SMARCD3: variants seen among roughly 807,000 people sequenced by gnomAD.
SMARCD3 encodes the protein SWI/SNF-related matrix-associated actin-dependent regulator of chromatin subfamily D member 3.
Under a neutral mutation model 58.0 loss-of-function variants are expected in SMARCD3, and 14 were observed. The observed-to-expected ratio is 0.24, with a 90% CI of 0.16 to 0.38. The LOEUF (loss-of-function observed/expected upper bound fraction) is 0.38, where lower values mean the gene tolerates loss of function less well. Among genes scored for constraint, SMARCD3 ranks in the 10% least tolerant of loss-of-function variants. The probability of loss-of-function intolerance (pLI) is 1.00; values close to 1 mark genes in which losing one functional copy is unlikely to be tolerated. For synonymous variants in SMARCD3, 253 were observed against 253.8 expected (o/e 1.00, Z 0.03); for missense variants, 408 against 636.9 (o/e 0.64, Z 3.87).
upstream of SMARCD3, among the ~76,000 whole-genome samples, chr7:151,252,342 A>C (rs1803548209): frequency 6.6e-6 from 1 of 152,018 alleles, no homozygotes; most frequent in African/African-American, 2.4e-5. Flanking sequence ...TCTTTCCTCT[A>C]TTCCCTTTTC....
rs2150594829 is a variant in SMARCD3, at chr7:151,245,035, T to A, written c.290+425A>T. Among the ~76,000 whole-genome samples the A allele has an allele frequency of 6.6e-6, 1 of 152,304 alleles. No homozygotes were observed. The highest frequency in any genetic ancestry group is 2.1e-4 in the South Asian group (1 of 4,834). ...CCATTGAGAAAATCTGGAGTGGCTTTGAAACAGCCCGGGGGCCGGCAGGAA... is the reference window on the plus strand; with the variant it reads ...CCATTGAGAAAATCTGGAGTGGCTTAGAAACAGCCCGGGGGCCGGCAGGAA... On this transcript the variant is annotated intron_variant, in intron 2 of 12. Coordinates refer to ENST00000262188, the MANE Select transcript of SMARCD3 (RefSeq NM_001003801.2). The surrounding 1 kb of genome is among the most constrained non-coding windows in gnomAD (Gnocchi z 6.2).
In SMARCD3 at chr7:151,248,425, G is replaced by T. The variant is rs1396345492; in HGVS notation, c.78+60C>A. The T allele has an allele frequency of 7.0e-7, 1 of 1,428,884 alleles. No homozygotes were observed. Among genetic ancestry groups the T allele is most frequent in the Non-Finnish European group, 9.8e-7 (1 of 1,018,306 alleles). 88.5% of individuals were successfully genotyped at this position (1,428,884 alleles called of 1,614,324 possible). ...GCGCCCTCCCGGCCCCTCCCGATCA[G>T]CCCTCCATTCAGCCCGAGCCAGCTC... is the stretch of plus-strand genomic sequence containing the variant. On this transcript the variant is annotated intron_variant, in intron 1 of 12. Transcript: ENST00000262188. The surrounding 1 kb of genome is among the most constrained non-coding windows in gnomAD (Gnocchi z 6.1).
Position 151,239,646 on chromosome 7 carries a change from C to T in SMARCD3, c.1274G>A (p.Arg425His), listed in dbSNP as rs748272691. 10 of 1,614,028 alleles carry T rather than the reference C, an allele frequency of 6.2e-6. No individual in the cohort carries two copies. The East Asian group carries it at 6.7e-5, about 11-fold the overall frequency. ...CACCTTGAGGTCCCGGCTCTGGGAGCGGAGCAGGTCTTGGACATAGCCTTT... is the reference window on the plus strand; with the variant it reads ...CACCTTGAGGTCCCGGCTCTGGGAGTGGAGCAGGTCTTGGACATAGCCTTT... ...DPKGYVQDLL[R>H]SQSRDLKVMT... Residue 425 changes from arginine (R) to histidine (H), a missense_variant, in exon 11 of 13, where the codon CGC (arginine) becomes CAC (histidine). Coordinates refer to ENST00000262188, the MANE Select transcript of SMARCD3 (RefSeq NM_001003801.2). This position sits in a 1 kb window ranked among gnomAD's most constrained non-coding sequence, Gnocchi z 7.0.
intron 2 of SMARCD3, among the ~76,000 whole-genome samples, chr7:151,259,541 A>G (rs219236): frequency 0.86 from 127,399 of 147,454 alleles, 55,337 homozygotes; most frequent in African/African-American, 0.95. Flanking sequence ...AGCCCACTCC[A>G]AGCCCGTTCA....
chr7:151,247,713 C>G (rs1467490001), intron 1 of SMARCD3, among the ~76,000 whole-genome samples: 1 of 75,388 alleles, frequency 1.3e-5, no homozygotes, highest in African/African-American at 4.3e-5. Flanking sequence ...CCCTCCCAGC[C>G]GGGCCCTACT....
At position 151,239,760 on chromosome 7, in the gene SMARCD3, G is replaced by T; in HGVS notation, c.1174-14C>A. Reference sequence around the variant, plus strand: ...CGTCTCATGGATCTGCAGGTAGAAAGATAGATGCTTTCCACCTGGCTTTGG... The same window carrying T: ...CGTCTCATGGATCTGCAGGTAGAAATATAGATGCTTTCCACCTGGCTTTGG... On this transcript the variant is annotated splice_polypyrimidine_tract_variant and intron_variant, in intron 10 of 12. Transcript: ENST00000262188. The surrounding 1 kb of genome is among the most constrained non-coding windows in gnomAD (Gnocchi z 7.0). 1.2e-6 allele frequency: 2 copies of T among 1,608,764 alleles called. No homozygotes were observed. The highest frequency in any genetic ancestry group is 8.5e-7 in the Non-Finnish European group (1 of 1,177,162).
chr7:151,239,009 CAAGGTGG>C lies in SMARCD3; in HGVS notation c.*87_*93del. 1 of 1,312,426 alleles carries C rather than the reference CAAGGTGG, an allele frequency of 7.6e-7. No homozygotes were observed. Among genetic ancestry groups the C allele is most frequent in the South Asian group, 1.2e-5 (1 of 84,888 alleles). 81.3% of individuals were successfully genotyped at this position (1,312,426 alleles called of 1,614,324 possible). A position where few individuals can be genotyped will look rare whatever the true frequency, so the allele number is the denominator to read the frequency against. On this transcript the variant is annotated 3_prime_UTR_variant, in exon 13 of 13. Transcript: ENST00000262188. This position sits in a 1 kb window ranked among gnomAD's most constrained non-coding sequence, Gnocchi z 7.0. ...TGACTTTTAATCCAGCCCCACACCC[CAAGGTGG>C]CAGAGGAGTGATGCTGGAGCCCGGG...
chr7:151,247,241 AC>A (rs1447721245), intron 1 of SMARCD3, among the ~76,000 whole-genome samples: 2 of 152,130 alleles, frequency 1.3e-5, no homozygotes, highest in Non-Finnish European at 2.9e-5. Context: ...GATTAAAAAA[AC>A]AGTCCACGTG....
chr7:151,242,181 C>T lies in SMARCD3; in HGVS notation c.631G>A (p.Glu211Lys), dbSNP rs751422864. The T allele has an allele frequency of 5.0e-6, 8 of 1,613,924 alleles. No homozygotes were observed. Among genetic ancestry groups the T allele is most frequent in the Middle Eastern group, 1.6e-4 (1 of 6,084 alleles). Reference sequence around the variant, plus strand: ...GGGCCATAAAGATCTTTGTCCAGCTCGATGACCAAACTCTTGAAGAAAGAA... The same window carrying T: ...GGGCCATAAAGATCTTTGTCCAGCTTGATGACCAAACTCTTGAAGAAAGAA... ...FSSFFKSLVI[E>K]LDKDLYGPDN... Residue 211 changes from glutamate to lysine, a missense_variant, in exon 6 of 13, where the codon GAG (glutamate) becomes AAG (lysine). By Grantham distance (56) the Glu-to-Lys change is moderately conservative. This residue lies in a region of SMARCD3 where 115 missense variants were observed against 257.2 expected (regional missense o/e 0.45). Transcript: ENST00000262188. The surrounding 1 kb of genome is among the most constrained non-coding windows in gnomAD (Gnocchi z 4.7).
chr7:151,240,675 G>T, intron 8 of SMARCD3, 153 bp from the exon 9 acceptor site: 1 of 622,026 alleles, frequency 1.6e-6, no homozygotes, highest in South Asian at 1.9e-5. Context: ...GGGCTGGTCT[G>T]GTGGTGGAGC....
At chr7:151,240,588 T>C (rs901788858) in intron 8 of SMARCD3, 66 bp from the exon 9 acceptor site, 3 of 1,196,122 alleles carry the variant, frequency 2.5e-6, no homozygotes, top group Non-Finnish European at 3.6e-6. Context: ...CAGTTGTAGA[T>C]CCTTTTGTTC....
At chr7:151,275,532 C>A (rs1426056062) in intron 1 of SMARCD3, among the ~76,000 whole-genome samples, 3 of 152,176 alleles carry the variant, frequency 2.0e-5, no homozygotes, top group Admixed American at 6.5e-5. Context: ...CCAGGCAGAG[C>A]CCAAGCCCTG....
Position 151,245,431 on chromosome 7 carries a change from GC to G in SMARCD3, c.290+28del. 9.6e-7 allele frequency: 1 copy of G among 1,038,652 alleles called. No homozygotes were observed. The highest frequency in any genetic ancestry group is 1.2e-6 in the Non-Finnish European group (1 of 813,108). The allele number at this position is 1,038,652 out of a possible 1,614,324, so 64.3% of individuals were successfully genotyped here. A position where few individuals can be genotyped will look rare whatever the true frequency, so the allele number is the denominator to read the frequency against. ...GGTCCCCCAGGGCCCGCCCCTGCAC[GC>G]CCCCTCCTCGCCGGGCCTCCCACTC... On this transcript the variant is annotated intron_variant, in intron 2 of 12. Transcript: ENST00000262188. The surrounding 1 kb of genome is among the most constrained non-coding windows in gnomAD (Gnocchi z 6.2).
At position 151,245,732 on chromosome 7, in the gene SMARCD3, C is replaced by T. The variant is rs527258042; in HGVS notation, c.79-61G>A. 5.4e-5 allele frequency: 23 copies of T among 424,982 alleles called. No homozygotes were observed. Among genetic ancestry groups the T allele is most frequent in the Non-Finnish European group, 8.7e-5 (22 of 253,044 alleles). The allele number at this position is 424,982 out of a possible 1,614,324, so 26.3% of individuals were successfully genotyped here. The stretch of plus-strand genomic sequence containing the variant: ...CCGTGGGTCAGACCAGGGCCCCCCG[C>T]TCCAGGCGCGGTGAGCCGGCGTCTC... On this transcript the variant is annotated intron_variant, in intron 1 of 12. Coordinates refer to ENST00000262188, the MANE Select transcript of SMARCD3 (RefSeq NM_001003801.2). The surrounding 1 kb of genome is among the most constrained non-coding windows in gnomAD (Gnocchi z 6.2).
chr7:151,263,282 G>T (rs1033337049), intron 2 of SMARCD3, among the ~76,000 whole-genome samples: 1 of 151,974 alleles, frequency 6.6e-6, no homozygotes, highest in Non-Finnish European at 1.5e-5. Flanking sequence ...AATGCCAAGG[G>T]GTGTTCTGAG....
intron 2 of SMARCD3, chr7:151,254,604 G>A (rs998201353): frequency 3.3e-5 from 5 of 152,384 alleles, no homozygotes; most frequent in African/African-American, 1.2e-4. Context: ...CCTGCTAGCT[G>A]TCTCCACGTG....
Position 151,239,545 on chromosome 7 carries a change from G to C in SMARCD3, c.1297-48C>G. On this transcript the variant is annotated intron_variant, in intron 11 of 12. Transcript: ENST00000262188. This position sits in a 1 kb window ranked among gnomAD's most constrained non-coding sequence, Gnocchi z 7.0. The stretch of plus-strand genomic sequence containing the variant: ...CCCTGAGCCCTGAATCCCCTCACCT[G>C]CCCCTGGAGTACAACGTTTACTCTC... 6.2e-7 allele frequency: 1 copy of C among 1,607,076 alleles called. No individual in the cohort carries two copies. The highest frequency in any genetic ancestry group is 8.5e-7 in the Non-Finnish European group (1 of 1,174,008).
chr7:151,273,887 A>G (rs1795253399), intron 2 of SMARCD3, among the ~76,000 whole-genome samples: 1 of 152,216 alleles, frequency 6.6e-6, no homozygotes, highest in Admixed American at 6.5e-5. Flanking sequence ...GAGGAGGGGC[A>G]CTGGGGCAGT....
chr7:151,248,366 T>C lies in SMARCD3; in HGVS notation c.78+119A>G, dbSNP rs552628103. ...AGTCCCGCGGCCGGGCCGTGGGCCA[T>C]GACGCCCCCCACTAGAGGGGTGGGA... is the stretch of plus-strand genomic sequence containing the variant. On this transcript the variant is annotated intron_variant, in intron 1 of 12. Transcript: ENST00000262188. This position sits in a 1 kb window ranked among gnomAD's most constrained non-coding sequence, Gnocchi z 6.1. 9 of 852,152 alleles carry C rather than the reference T, an allele frequency of 1.1e-5. No homozygotes were observed. The South Asian group carries it at 1.3e-4, about 12-fold the overall frequency. The allele number at this position is 852,152 out of a possible 1,614,324, so 52.8% of individuals were successfully genotyped here.
Sources: allele counts gnomAD v4.1 joint callset (sites outside exome capture counted in the v4.1 genomes callset), GRCh38; gene constraint gnomAD v4.1.1; regional missense constraint gnomAD v4.1.1; non-coding constraint Gnocchi (gnomAD v3.1); transcripts MANE v1.5; gene names NCBI Gene and HGNC (gene_info 2026-07-23, HGNC 2026-07-21).